Variants in ADAMTS9 observed in about 807,000 individuals in gnomAD.
ADAMTS9 encodes A disintegrin and metalloproteinase with thrombospondin motifs 9.
Under a neutral mutation model 257.1 loss-of-function variants are expected in ADAMTS9, and 107 were observed. The observed-to-expected ratio is 0.42, with a 90% CI of 0.36 to 0.49. The LOEUF is 0.49. ADAMTS9 is among the 20% of genes least tolerant of loss of function. ADAMTS9 has a pLI of 0.03. For synonymous variants in ADAMTS9, 982 were observed against 880.9 expected, an observed-to-expected ratio of 1.11 and a Z score of -2.03; for missense variants, 2,353 against 2,469.1, an observed-to-expected ratio of 0.95 and a Z score of 1.00.
intron 36 of ADAMTS9, 147 bp from the exon 37 acceptor site, chr3:64,539,441 G>C: frequency 1.4e-6 from 1 of 700,586 alleles, no homozygotes; most frequent in Admixed American, 2.2e-5. Flanking sequence ...ATATTAGTGG[G>C]TAAATGGATC....
At position 64,550,984 on chromosome 3, in the gene ADAMTS9, C is replaced by A. The variant is rs1289364172; in HGVS notation, c.4777G>T (p.Ala1593Ser). 1 of 1,614,182 alleles carries A rather than the reference C, an allele frequency of 6.2e-7. No individual in the cohort carries two copies. ...VDDNKNEVHG[A>S]RCDVSKRPVD... ...GGCCGCTTGCTCACGTCACAGCGTG[C>A]CCCATGCACCTCGTTTTTGTTGTCA... Residue 1593 changes from alanine (A) to serine (S), a missense_variant, in exon 31 of 40, where the codon GCA becomes TCA. Ala to Ser is a moderately conservative substitution (Grantham distance 99). Coordinates refer to ENST00000498707, the MANE Select transcript of ADAMTS9 (RefSeq NM_182920.2).
At chr3:64,615,606 G>T in intron 20 of ADAMTS9, 121 bp from the exon 21 acceptor site, 1 of 1,049,508 alleles carries the variant, frequency 9.5e-7, no homozygotes, top group Non-Finnish European at 1.3e-6. Flanking sequence ...GCCAACTCTA[G>T]TTATTTTGGT....
intron 19 of ADAMTS9, among the ~76,000 whole-genome samples, chr3:64,616,738 A>T (rs796404165): frequency 6.6e-6 from 1 of 152,186 alleles, no homozygotes; most frequent in South Asian, 2.1e-4. Context: ...AAAATAAATA[A>T]TATTCTTAAA....
chr3:64,529,719 G>T (rs1430678073), intron 38 of ADAMTS9, among the ~76,000 whole-genome samples: 1 of 152,168 alleles, frequency 6.6e-6, no homozygotes, highest in African/African-American at 2.4e-5. Flanking sequence ...TAGGTTAGTG[G>T]TTCTCAAAAT....
At chr3:64,680,016 TG>T (rs1370433759) in intron 3 of ADAMTS9, among the ~76,000 whole-genome samples, 2 of 152,202 alleles carry the variant, frequency 1.3e-5, no homozygotes, top group Admixed American at 1.3e-4. Context: ...AACACAGAAC[TG>T]GATGGGATAA....
At position 64,686,712 on chromosome 3, in the gene ADAMTS9, G is replaced by T. The variant is rs762153660; in HGVS notation, c.372C>A (p.Phe124Leu). Residue 124 changes from phenylalanine to leucine, a missense_variant, in exon 2 of 40, where the codon TTC (phenylalanine) becomes TTA (leucine). By Grantham distance (22) the Phe-to-Leu change is conservative. Around this residue, in one of 3 missense-constraint regions of ADAMTS9, gnomAD observed 591 missense variants for 569.6 expected, o/e 1.04. Transcript: ENST00000498707. This position sits in a 1 kb window ranked among gnomAD's most constrained non-coding sequence, Gnocchi z 4.6. ...CGGGCGTCCCGAGGAGGGTGACAGT[G>T]AACAGTGGAGCGATAAATCCGGCAT... is the stretch of plus-strand genomic sequence containing the variant. ...TANAGFIAPL[F>L]TVTLLGTPGV... The T allele has an allele frequency of 6.2e-7, 1 of 1,614,232 alleles. No individual in the cohort carries two copies. The highest frequency in any genetic ancestry group is 8.5e-7 in the Non-Finnish European group (1 of 1,180,056).
chr3:64,564,539 T>C lies in ADAMTS9; in HGVS notation c.4525-2788A>G, dbSNP rs554037810. On this transcript the variant is annotated intron_variant, in intron 29 of 39. Transcript: ENST00000498707. ...ACAAACTTTTACTAAACACTTACTATATGCTAGGGTTTCTATACTAGCATA... is the reference window on the plus strand; with the variant it reads ...ACAAACTTTTACTAAACACTTACTACATGCTAGGGTTTCTATACTAGCATA... Among the ~76,000 whole-genome samples the C allele has an allele frequency of 2.0e-5, 3 of 152,274 alleles. No individual in the cohort carries two copies. The South Asian group carries it at 6.2e-4, about 32-fold the overall frequency.
intron 11 of ADAMTS9, among the ~76,000 whole-genome samples, chr3:64,646,026 G>A (rs1490332626): frequency 2.0e-5 from 3 of 152,142 alleles, no homozygotes; most frequent in Admixed American, 6.5e-5. Flanking sequence ...GTTCATGACA[G>A]TTTTACTAAA....
chr3:64,542,377 C>T (rs1051832892), intron 32 of ADAMTS9, among the ~76,000 whole-genome samples: 10 of 151,466 alleles, frequency 6.6e-5, no homozygotes, highest in Admixed American at 1.3e-4. Context: ...CAAACCCTAA[C>T]TGCTTCCAAG....
intron 38 of ADAMTS9, among the ~76,000 whole-genome samples, chr3:64,528,935 T>C (rs1308347268): frequency 3.3e-5 from 5 of 151,582 alleles, no homozygotes; most frequent in Non-Finnish European, 7.4e-5. Flanking sequence ...GGGCACAGAC[T>C]CTGGCAGTCA....
intron 38 of ADAMTS9, among the ~76,000 whole-genome samples, chr3:64,524,534 C>T (rs544867116): frequency 1.1e-4 from 16 of 152,230 alleles, no homozygotes; most frequent in African/African-American, 2.9e-4. Context: ...ACTAATTAAG[C>T]GAAATATTTT....
intron 3 of ADAMTS9, among the ~76,000 whole-genome samples, chr3:64,672,639 C>T (rs535395203): frequency 4.6e-5 from 7 of 151,822 alleles, no homozygotes; most frequent in East Asian, 2.0e-4. Context: ...GTCAAGATCG[C>T]GCCACTGCAC....
At chr3:64,548,604 A>G (rs35444932) in intron 31 of ADAMTS9, among the ~76,000 whole-genome samples, 97,070 of 148,326 alleles carry the variant, frequency 0.65, 35,600 homozygotes, top group Non-Finnish European at 0.85. Flanking sequence ...TGTGGGGGGG[A>G]GCCCAGTGGG....
intron 28 of ADAMTS9, among the ~76,000 whole-genome samples, chr3:64,582,140 G>A (rs1286484462): frequency 6.6e-6 from 1 of 152,150 alleles, no homozygotes; most frequent in Non-Finnish European, 1.5e-5. Context: ...GGGGGTTGGG[G>A]TTGGGAAATA....
At chr3:64,564,918 C>T (rs2083504909) in intron 29 of ADAMTS9, among the ~76,000 whole-genome samples, 1 of 152,188 alleles carries the variant, frequency 6.6e-6, no homozygotes, top group African/African-American at 2.4e-5. Context: ...ACCAAAAACA[C>T]AAAGTAAAAT....
intron 9 of ADAMTS9, chr3:64,650,461 C>T (rs916983252): frequency 6.5e-6 from 1 of 153,926 alleles, no homozygotes; most frequent in African/African-American, 2.4e-5. Flanking sequence ...AGCAGCCTAG[C>T]AGGAAGCTTA....
intron 28 of ADAMTS9, among the ~76,000 whole-genome samples, chr3:64,574,559 C>CAA (rs34194727): frequency 0.36 from 29,278 of 80,490 alleles, 4,993 homozygotes; most frequent in East Asian, 0.7. Flanking sequence ...CCCATCTCTA[C>CAA]AAAAAAAAAA....
At chr3:64,625,071 T>C (rs1700194440) in intron 16 of ADAMTS9, among the ~76,000 whole-genome samples, 1 of 152,116 alleles carries the variant, frequency 6.6e-6, no homozygotes, top group African/African-American at 2.4e-5. Context: ...AGGATGCCCT[T>C]GAAAGATACA....
intron 3 of ADAMTS9, among the ~76,000 whole-genome samples, chr3:64,674,321 A>G (rs908172448): frequency 6.6e-6 from 1 of 152,220 alleles, no homozygotes; most frequent in Non-Finnish European, 1.5e-5. Flanking sequence ...GGGGAAAATG[A>G]AAGGAAATCA....
Sources: allele counts gnomAD v4.1 joint callset (sites outside exome capture counted in the v4.1 genomes callset), GRCh38; gene constraint gnomAD v4.1.1; regional missense constraint gnomAD v4.1.1; non-coding constraint Gnocchi (gnomAD v3.1); transcripts MANE v1.5; gene names NCBI Gene and HGNC (gene_info 2026-07-23, HGNC 2026-07-21).